The following ZNF521 variants were observed in gnomAD, a reference collection of about 807,000 sequenced individuals.
ZNF521 encodes the protein zinc finger protein 521, also known as LYST-interacting protein 3.
A neutral mutation model predicts 105.5 loss-of-function variants in ZNF521; 14 were observed. The observed-to-expected ratio is 0.13, with a 90% CI of 0.09 to 0.21. ZNF521 has a LOEUF of 0.21. Among genes scored for constraint, ZNF521 ranks in the 10% least tolerant of loss-of-function variants. ZNF521 has a pLI of 1.00. For synonymous variants in ZNF521, 635 were observed against 606.0 expected (o/e 1.05, Z -0.70); for missense variants, 1,233 against 1,629.7 (o/e 0.76, Z 4.19).
chr18:25,233,681 T>G (rs922440941), intron 3 of ZNF521, among the ~76,000 whole-genome samples: 2 of 150,210 alleles, frequency 1.3e-5, no homozygotes, highest in African/African-American at 2.5e-5. Flanking sequence ...TTTTTTTTTT[T>G]GCCTTCAATA....
intron 5 of ZNF521, among the ~76,000 whole-genome samples, chr18:25,098,040 T>TATGGAGAGGAGAGGC (rs2033888711): frequency 6.6e-6 from 1 of 151,566 alleles, no homozygotes; most frequent in South Asian, 2.1e-4. Flanking sequence ...TCCAGGTGGG[T>TATGGAGAGGAGAGGC]AGGGAGAGGA....
chr18:25,084,544 T>C (rs2033578247), intron 7 of ZNF521, among the ~76,000 whole-genome samples: 1 of 140,086 alleles, frequency 7.1e-6, no homozygotes, highest in African/African-American at 2.5e-5. Flanking sequence ...AATGTCAAAT[T>C]ACTACTGCAC....
chr18:25,107,052 A>G (rs2034086863), intron 5 of ZNF521, among the ~76,000 whole-genome samples: 1 of 152,208 alleles, frequency 6.6e-6, no homozygotes, highest in Non-Finnish European at 1.5e-5. Context: ...GAGGTTCAAA[A>G]AACAAAGGCT....
chr18:25,343,182 A>G (rs1914304277), intron 2 of ZNF521, among the ~76,000 whole-genome samples: 1 of 152,220 alleles, frequency 6.6e-6, no homozygotes, highest in East Asian at 1.9e-4. Context: ...TATCCTTCAC[A>G]GTATACTGAT....
At chr18:25,211,069 T>C (rs185863464) in intron 4 of ZNF521, among the ~76,000 whole-genome samples, 1 of 152,164 alleles carries the variant, frequency 6.6e-6, no homozygotes, top group Non-Finnish European at 1.5e-5. Context: ...TATATACCCA[T>C]TAAAGTGTAA....
chr18:25,154,872 C>T (rs955734166), intron 5 of ZNF521, among the ~76,000 whole-genome samples: 3 of 152,120 alleles, frequency 2.0e-5, no homozygotes, highest in Admixed American at 1.3e-4. Flanking sequence ...GATATCTTTA[C>T]GAGGTGGTGA....
At chr18:25,292,717 G>A (rs1911106077) in intron 3 of ZNF521, among the ~76,000 whole-genome samples, 1 of 152,194 alleles carries the variant, frequency 6.6e-6, no homozygotes. Flanking sequence ...ACTACCAGCA[G>A]TGAAATCTTG....
At chr18:25,164,237 C>G (rs2035298725) in intron 5 of ZNF521, among the ~76,000 whole-genome samples, 1 of 152,122 alleles carries the variant, frequency 6.6e-6, no homozygotes, top group African/African-American at 2.4e-5. Context: ...CTGTGCCTTG[C>G]AGGGCTGTCC....
chr18:25,329,712 C>G (rs909713243), intron 2 of ZNF521, among the ~76,000 whole-genome samples: 1 of 152,144 alleles, frequency 6.6e-6, no homozygotes, highest in Non-Finnish European at 1.5e-5. Flanking sequence ...CAGATGTTAA[C>G]CTCACTGCTA....
At chr18:25,205,141 TAAAAAAAAAAAAAAAAA>T (rs34563599) in intron 4 of ZNF521, among the ~76,000 whole-genome samples, 1 of 74,934 alleles carries the variant, frequency 1.3e-5, no homozygotes, top group East Asian at 4.5e-4. Context: ...GTAGTGAAGG[TAAAAAAAAAAAAAAAAA>T]AAAAAAAAAA....
chr18:25,083,619 T>G (rs886678686), intron 7 of ZNF521, among the ~76,000 whole-genome samples: 2 of 152,232 alleles, frequency 1.3e-5, no homozygotes, highest in African/African-American at 4.8e-5. Context: ...TCACCTCATA[T>G]AGTAGCTATT....
chr18:25,287,688 C>T (rs370370884), intron 3 of ZNF521, among the ~76,000 whole-genome samples: 38 of 151,708 alleles, frequency 2.5e-4, no homozygotes, highest in African/African-American at 9.2e-4. Flanking sequence ...AGGCACATGA[C>T]CACAGAGGCC....
intron 7 of ZNF521, among the ~76,000 whole-genome samples, chr18:25,076,018 C>T (rs1000175068): frequency 6.6e-5 from 10 of 152,090 alleles, no homozygotes; most frequent in African/African-American, 2.4e-4. Flanking sequence ...TATAAAACCT[C>T]CAAGCCTCTG....
chr18:25,284,085 C>A (rs936757222), intron 3 of ZNF521, among the ~76,000 whole-genome samples: 1 of 152,144 alleles, frequency 6.6e-6, no homozygotes, highest in Non-Finnish European at 1.5e-5. Context: ...TAAACATGAG[C>A]CTGAGCCCCC....
chr18:25,116,875 ATATATATATATACG>A (rs1482867984), intron 5 of ZNF521, among the ~76,000 whole-genome samples: 3 of 90,918 alleles, frequency 3.3e-5, no homozygotes, highest in African/African-American at 1.1e-4. Context: ...ATATACGTAT[ATATATATATATACG>A]TATATATATA....
intron 3 of ZNF521, among the ~76,000 whole-genome samples, chr18:25,247,607 G>C (rs1287831319): frequency 6.6e-6 from 1 of 152,212 alleles, no homozygotes; most frequent in African/African-American, 2.4e-5. Flanking sequence ...CCAGGTTCAA[G>C]TGCCACTGGA....
Position 25,179,116 on chromosome 18 carries a change from C to CTTTTTTTTTTTTTTTTT in ZNF521, c.3658+16027_3658+16043dup, listed in dbSNP as rs1175859497. On this transcript the variant is annotated intron_variant, in intron 5 of 7. Coordinates refer to ENST00000361524, the MANE Select transcript of ZNF521 (RefSeq NM_015461.3). Reference sequence around the variant, plus strand: ...GACTTATACTTCTTTTTCTTTATTCCTTTTTTTTTTTTTTTTTTTTTTTTT... The same window carrying CTTTTTTTTTTTTTTTTT: ...GACTTATACTTCTTTTTCTTTATTCCTTTTTTTTTTTTTTTTTTTTTTTTTTTTTTTTTTTTTTTTTT... Among the ~76,000 whole-genome samples the CTTTTTTTTTTTTTTTTT allele has an allele frequency of 1.8e-3, 94 of 52,484 alleles. 22 individuals carry two copies. The highest frequency in any genetic ancestry group is 2.3e-3 in the Non-Finnish European group (67 of 28,970). The allele number at this position is 52,484 out of a possible 152,430, so 34.4% of individuals were successfully genotyped here.
chr18:25,237,929 A>G (rs1455983749), intron 3 of ZNF521, among the ~76,000 whole-genome samples: 2 of 152,346 alleles, frequency 1.3e-5, no homozygotes, highest in East Asian at 3.9e-4. Flanking sequence ...ATATATATGA[A>G]ACATAAGATT....
chr18:25,245,947 G>C (rs1188361244), intron 3 of ZNF521, among the ~76,000 whole-genome samples: 2 of 152,136 alleles, frequency 1.3e-5, no homozygotes, highest in Admixed American at 6.5e-5. Context: ...ACGAGTTTGA[G>C]GTTACTGTGA....
Sources: gnomAD v4.1 joint callset for allele counts (sites outside exome capture counted in the v4.1 genomes callset) on GRCh38, gnomAD v4.1.1 for gene constraint, MANE v1.5 for transcripts, NCBI Gene and HGNC (gene_info 2026-07-23, HGNC 2026-07-21) for gene names.